The following MEGF6 variants were observed in gnomAD, a reference collection of about 807,000 sequenced individuals.
MEGF6 encodes the protein multiple epidermal growth factor-like domains protein 6.
MEGF6 carries 184 observed loss-of-function variants against 207.1 expected under a neutral mutation model. The ratio of observed to expected loss-of-function variants is 0.89; its 90% CI spans 0.79 to 1.00. MEGF6 has a LOEUF of 1.00. Ranked by LOEUF, MEGF6 falls within the 50% of genes least tolerant of loss-of-function variation. The pLI, the probability that MEGF6 is intolerant of heterozygous loss-of-function variation, is 0.00. For synonymous variants in MEGF6, 1,038 were observed against 910.0 expected, an observed-to-expected ratio of 1.14 and a Z score of -2.53; for missense variants, 2,282 against 2,202.9, an observed-to-expected ratio of 1.04 and a Z score of -0.72.
intron 14 of MEGF6, among the ~76,000 whole-genome samples, chr1:3,507,013 G>A (rs901801612): frequency 6.6e-6 from 1 of 152,216 alleles, no homozygotes; most frequent in African/African-American, 2.4e-5. Context: ...TGAATACGGG[G>A]GTTCCCCAGC....
chr1:3,499,826 C>T lies in MEGF6; in HGVS notation c.2806G>A (p.Ala936Thr). The change falls in exon 22 of 37, where the codon GCC (alanine) becomes ACC (threonine). Residue 936 changes from alanine (A) to threonine (T), a missense_variant. By Grantham distance (58) the Ala-to-Thr change is moderately conservative (BLOSUM62 0). Transcript: ENST00000356575. ...TCGCAGAAGGTGCCCCTCCAGCCGG[C>T]CGGGCAGGTGCAGGCCCCGCTGACG... The part of the protein sequence containing the change: ...DHVSGACTCP[A>T]GWRGTFCEHA... 1 of 1,553,726 alleles carries T rather than the reference C, an allele frequency of 6.4e-7. No individual in the cohort carries two copies.
intron 5 of MEGF6, among the ~76,000 whole-genome samples, chr1:3,516,894 G>A (rs1000740171): frequency 1.3e-5 from 2 of 152,182 alleles, no homozygotes; most frequent in African/African-American, 4.8e-5. Flanking sequence ...TCCCTGGCAC[G>A]TGCAGGCTGT....
chr1:3,605,319 C>T (rs967650025), intron 1 of MEGF6, among the ~76,000 whole-genome samples: 4 of 151,860 alleles, frequency 2.6e-5, no homozygotes, highest in Admixed American at 6.6e-5. Context: ...CATTCATATG[C>T]ATGCTTACAC....
chr1:3,535,994 G>C (rs1318532896), intron 4 of MEGF6, among the ~76,000 whole-genome samples: 1 of 150,964 alleles, frequency 6.6e-6, no homozygotes, highest in East Asian at 1.9e-4. Context: ...AACTCTCCAA[G>C]GGGGCATCCC....
chr1:3,575,602 C>G (rs529516547), intron 4 of MEGF6, among the ~76,000 whole-genome samples: 316 of 146,728 alleles, frequency 2.2e-3, no homozygotes, highest in Non-Finnish European at 3.9e-3. Context: ...GCCTCACAAT[C>G]ATGGCAGAAG....
chr1:3,495,549 C>G (rs991755784), intron 30 of MEGF6, among the ~76,000 whole-genome samples: 5 of 152,238 alleles, frequency 3.3e-5, no homozygotes, highest in South Asian at 2.1e-4. Flanking sequence ...AAGACAGCCA[C>G]CCAATCCCTT....
At chr1:3,497,527 G>A in intron 26 of MEGF6, 166 bp from the exon 27 acceptor site, 5 of 951,416 alleles carry the variant, frequency 5.3e-6, no homozygotes, top group Non-Finnish European at 7.8e-6. Flanking sequence ...ACCCCGGAGG[G>A]CAGAGGCAGG....
Position 3,588,536 on chromosome 1 carries a change from CCAGGAGGGGG to C in MEGF6, c.376+6792_376+6801del, listed in dbSNP as rs1172993400. Among the ~76,000 whole-genome samples the C allele has an allele frequency of 6.9e-3, 351 of 51,048 alleles. 1 individual carries two copies. The highest frequency in any genetic ancestry group is 0.024 in the African/African-American group (314 of 12,886). The allele number at this position is 51,048 out of a possible 152,430, so 33.5% of individuals were successfully genotyped here. Reference sequence around the variant, plus strand: ...AGGGGATAGGAGTGGCCAGGAGTGGCCAGGAGGGGGCAGGAGGGGGCAGGAGGGGACAGGA... The same window carrying C: ...AGGGGATAGGAGTGGCCAGGAGTGGCCAGGAGGGGGCAGGAGGGGACAGGA... On this transcript the variant is annotated intron_variant, in intron 3 of 36. Transcript: ENST00000356575.
rs80251925 is a variant in MEGF6 at position 3,549,617 on chromosome 1, C to T, written c.482-25371G>A. Among the ~76,000 whole-genome samples, 169 of 152,338 alleles carry T rather than the reference C, an allele frequency of 1.1e-3. 1 individual carries two copies. The East Asian group carries it at 0.03, about 27-fold the overall frequency. ...AGGGTCCATCAATTCACCGAAGACA[C>T]TGGCATGGGATATCCAGGGCGACTT... On this transcript the variant is annotated intron_variant, in intron 4 of 36. Transcript: ENST00000356575.
rs1367395380 is a variant in MEGF6 at position 3,507,892 on chromosome 1, G to C, written c.1692C>G (p.Cys564Trp). The change falls in exon 14 of 37, where the codon TGC becomes TGG. Residue 564 changes from cysteine (C) to tryptophan (W), a missense_variant. Cys to Trp is a radical substitution (Grantham distance 215). Coordinates refer to ENST00000356575, the MANE Select transcript of MEGF6 (RefSeq NM_001409.4). Reference protein sequence around the residue: ...TCPPDTFGKNCSFSCSCQNGG... With the variant: ...TCPPDTFGKNWSFSCSCQNGG... ...CATTCTGACAGCTGCAGGAGAAGCTGCAGTTCTTCCCAAAGGTGTCCGGAG... is the reference window on the plus strand; with the variant it reads ...CATTCTGACAGCTGCAGGAGAAGCTCCAGTTCTTCCCAAAGGTGTCCGGAG... 1 of 1,612,800 alleles carries C rather than the reference G, an allele frequency of 6.2e-7. No individual in the cohort carries two copies.
chr1:3,504,006 T>G (rs1025853519), intron 17 of MEGF6, among the ~76,000 whole-genome samples: 1 of 152,094 alleles, frequency 6.6e-6, no homozygotes, highest in Non-Finnish European at 1.5e-5. Flanking sequence ...TGGGTGGACG[T>G]TGCTCCCTCT....
Position 3,514,683 on chromosome 1 carries a change from G to T in MEGF6, c.731-11C>A. On this transcript the variant is annotated splice_polypyrimidine_tract_variant and intron_variant, in intron 6 of 36. Coordinates refer to ENST00000356575, the MANE Select transcript of MEGF6 (RefSeq NM_001409.4). ...CACACGGGCTTCTACCTGCAGCCAC[G>T]GGCCCGAGGAGGGGGTTGGGGAGAG... 1.3e-6 allele frequency: 2 copies of T among 1,565,662 alleles called. No individual in the cohort carries two copies. Among genetic ancestry groups the T allele is most frequent in the East Asian group, 2.3e-5 (1 of 43,274 alleles).
At chr1:3,586,874 C>A (rs1462777652) in intron 3 of MEGF6, among the ~76,000 whole-genome samples, 1 of 152,238 alleles carries the variant, frequency 6.6e-6, no homozygotes, top group African/African-American at 2.4e-5. Flanking sequence ...GGGCCCCAAG[C>A]CCAGGCCTCA....
At chr1:3,584,502 C>T (rs1309399318) in intron 3 of MEGF6, among the ~76,000 whole-genome samples, 4 of 152,226 alleles carry the variant, frequency 2.6e-5, no homozygotes, top group South Asian at 2.1e-4. Flanking sequence ...CAAAGGTGAT[C>T]GCTGGAGCAG....
intron 6 of MEGF6, 125 bp from the exon 7 acceptor site, chr1:3,514,797 T>A: frequency 2.6e-6 from 3 of 1,146,088 alleles, no homozygotes; most frequent in South Asian, 3.4e-5. Context: ...TCCAGGCTGA[T>A]GGGCTGGGCA....
At position 3,506,137 on chromosome 1, in the gene MEGF6, G is replaced by A. The variant is rs1322928776; in HGVS notation, c.1889C>T (p.Pro630Leu). 4 of 1,597,984 alleles carry A rather than the reference G, an allele frequency of 2.5e-6. No homozygotes were observed. The highest frequency in any genetic ancestry group is 3.4e-6 in the Non-Finnish European group (4 of 1,172,954). Residue 630 changes from proline (P) to leucine (L), a missense_variant, in exon 15 of 37, where the codon CCA (proline) becomes CTA (leucine). Physicochemically the swap from Pro to Leu is moderately conservative, Grantham distance 98. Transcript: ENST00000356575. ...HRLYGACLCD[P>L]GLYGRFCHLT... ...GTGGCAGAAGCGGCCGTAGAGCCCT[G>A]GGTCGCAGAGGCAGGCCCCGTAGAG...
chr1:3,500,370 C>G (rs551777704), intron 21 of MEGF6, among the ~76,000 whole-genome samples: 14 of 152,370 alleles, frequency 9.2e-5, no homozygotes, highest in African/African-American at 3.4e-4. Context: ...GGACCTTGGT[C>G]CAGGCTGCGA....
chr1:3,610,197 G>C (rs900103864), intron 1 of MEGF6, among the ~76,000 whole-genome samples: 1 of 152,238 alleles, frequency 6.6e-6, no homozygotes, highest in South Asian at 2.1e-4. Context: ...GTGGGGTCTT[G>C]GGAGCTTGGA....
At chr1:3,513,350 T>TCCAGACAGCACCACCACA (rs1641421267) in intron 7 of MEGF6, among the ~76,000 whole-genome samples, 1 of 151,730 alleles carries the variant, frequency 6.6e-6, no homozygotes, top group African/African-American at 2.4e-5. Context: ...TAGCTGGGAC[T>TCCAGACAGCACCACCACA]CCTGCCTCGG....
Sources: gnomAD v4.1 joint callset for allele counts (sites outside exome capture counted in the v4.1 genomes callset) on GRCh38, gnomAD v4.1.1 for gene constraint, MANE v1.5 for transcripts, NCBI Gene and HGNC (gene_info 2026-07-23, HGNC 2026-07-21) for gene names.